Variants in TAFA2 observed in about 807,000 individuals in gnomAD.
TAFA2 encodes the protein chemokine-like protein TAFA-2.
TAFA2 carries 7 observed loss-of-function variants against 18.8 expected under a neutral mutation model. The ratio of observed to expected loss-of-function variants is 0.37; its 90% confidence interval spans 0.21 to 0.70. The LOEUF is 0.70. Ranked by LOEUF, TAFA2 falls within the 30% of genes least tolerant of loss-of-function variation. The pLI, the probability that TAFA2 is intolerant of heterozygous loss-of-function variation, is 0.53. For synonymous variants in TAFA2, 60 were observed against 54.2 expected (o/e 1.11, Z -0.47); for missense variants, 122 against 158.1 (o/e 0.77, Z 1.23).
chr12:62,005,283 T>A (rs142815261), intron 1 of TAFA2, among the ~76,000 whole-genome samples: 9 of 152,092 alleles, frequency 5.9e-5, no homozygotes, highest in African/African-American at 1.4e-4. Flanking sequence ...CAAAACATTA[T>A]GCAATATACC....
intron 1 of TAFA2, among the ~76,000 whole-genome samples, chr12:62,161,829 T>C: frequency 6.6e-6 from 1 of 152,232 alleles, no homozygotes; most frequent in East Asian, 1.9e-4. Context: ...CACACATGTA[T>C]TTCAATGTTT....
intron 4 of TAFA2, among the ~76,000 whole-genome samples, chr12:61,717,574 AG>A (rs1310861469): frequency 1.3e-5 from 2 of 152,212 alleles, no homozygotes; most frequent in African/African-American, 4.8e-5. Context: ...TTTCCACTAA[AG>A]GACCTTGAAC....
At chr12:62,105,428 T>C (rs1375949914) in intron 1 of TAFA2, among the ~76,000 whole-genome samples, 4 of 152,174 alleles carry the variant, frequency 2.6e-5, no homozygotes, top group Non-Finnish European at 5.9e-5. Flanking sequence ...TTTATAATGA[T>C]AACCAAAGGG....
intron 1 of TAFA2, among the ~76,000 whole-genome samples, chr12:62,026,801 C>T (rs189856236): frequency 2.0e-5 from 3 of 152,184 alleles, no homozygotes; most frequent in Admixed American, 2.0e-4. Flanking sequence ...CAAAAGAAAG[C>T]ATTTGGAATT....
At chr12:61,833,006 T>C (rs992385185) in intron 2 of TAFA2, among the ~76,000 whole-genome samples, 1 of 147,330 alleles carries the variant, frequency 6.8e-6, no homozygotes, top group South Asian at 2.1e-4. Flanking sequence ...AGACATTATA[T>C]AATATATAAA....
chr12:62,214,986 T>A (rs1344573482), intron 1 of TAFA2, among the ~76,000 whole-genome samples: 2 of 152,106 alleles, frequency 1.3e-5, no homozygotes, highest in Non-Finnish European at 2.9e-5. Context: ...TCTACTTACA[T>A]CCCTGCACCA....
intron 1 of TAFA2, among the ~76,000 whole-genome samples, chr12:61,929,399 A>G (rs1456301586): frequency 6.6e-6 from 1 of 152,186 alleles, no homozygotes; most frequent in African/African-American, 2.4e-5. Context: ...AAGACACATG[A>G]AAAAATGCTC....
At chr12:62,120,748 C>T (rs1051714098) in intron 1 of TAFA2, among the ~76,000 whole-genome samples, 1 of 152,106 alleles carries the variant, frequency 6.6e-6, no homozygotes, top group Non-Finnish European at 1.5e-5. Flanking sequence ...TCTCTTTATG[C>T]ACTCCTGCCT....
At chr12:61,994,594 A>G (rs968226189) in intron 1 of TAFA2, among the ~76,000 whole-genome samples, 1 of 152,066 alleles carries the variant, frequency 6.6e-6, no homozygotes, top group Admixed American at 6.6e-5. Flanking sequence ...TCTTCAGTCC[A>G]TTCTAATCAT....
At chr12:62,187,925 G>A (rs906869444) in intron 1 of TAFA2, among the ~76,000 whole-genome samples, 1 of 152,084 alleles carries the variant, frequency 6.6e-6, no homozygotes, top group Non-Finnish European at 1.5e-5. Context: ...GCTCAAAGTA[G>A]TTCAAAATAA....
chr12:61,873,265 C>CT lies in TAFA2; in HGVS notation c.-1-5840dup, dbSNP rs768239909. ...AAATGGAAACAAAGACTAGATTACT[C>CT]TTTTTTTTGAGGTTGCACAAGTTTT... On this transcript the variant is annotated intron_variant, in intron 1 of 4. Transcript: ENST00000416284. 4.9e-3 allele frequency among the ~76,000 whole-genome samples: 745 copies of CT among 150,652 alleles called. 2 individuals are homozygous for CT. Among genetic ancestry groups the CT allele is most frequent in the African/African-American group, 0.017 (686 of 41,002 alleles).
chr12:61,747,307 C>T (rs531691315), intron 4 of TAFA2, among the ~76,000 whole-genome samples: 15 of 144,008 alleles, frequency 1.0e-4, no homozygotes, highest in East Asian at 4.1e-4. Flanking sequence ...GTCAGTGTGG[C>T]GATTCCTCAG....
intron 1 of TAFA2, among the ~76,000 whole-genome samples, chr12:62,017,363 G>T (rs1258568193): frequency 6.6e-6 from 1 of 152,074 alleles, no homozygotes; most frequent in African/African-American, 2.4e-5. Flanking sequence ...TTCGTATTTT[G>T]TTATAAATAG....
chr12:61,764,810 T>G (rs1340531602), intron 2 of TAFA2, among the ~76,000 whole-genome samples: 1 of 152,132 alleles, frequency 6.6e-6, no homozygotes, highest in African/African-American at 2.4e-5. Flanking sequence ...TTATGAAATT[T>G]GTAGTTTAGA....
intron 1 of TAFA2, among the ~76,000 whole-genome samples, chr12:62,091,452 A>G (rs1565741500): frequency 6.6e-6 from 1 of 151,928 alleles, no homozygotes; most frequent in Non-Finnish European, 1.5e-5. Context: ...GGAACTCACT[A>G]TGTAACATAT....
chr12:61,794,779 A>G (rs1412714551), intron 2 of TAFA2, among the ~76,000 whole-genome samples: 1 of 152,146 alleles, frequency 6.6e-6, no homozygotes, highest in African/African-American at 2.4e-5. Flanking sequence ...AACCACCATC[A>G]GAGTGAACAG....
chr12:61,999,427 T>C (rs1880306797), intron 1 of TAFA2, among the ~76,000 whole-genome samples: 1 of 152,176 alleles, frequency 6.6e-6, no homozygotes, highest in African/African-American at 2.4e-5. Flanking sequence ...TTTTAAAGTC[T>C]TGCATAAGAT....
chr12:61,805,398 A>G (rs572374822), intron 2 of TAFA2, among the ~76,000 whole-genome samples: 1 of 152,210 alleles, frequency 6.6e-6, no homozygotes, highest in South Asian at 2.1e-4. Context: ...CCCAAATTTC[A>G]ATAAATATTA....
chr12:61,785,048 T>C (rs756952730), intron 2 of TAFA2, among the ~76,000 whole-genome samples: 10 of 151,570 alleles, frequency 6.6e-5, no homozygotes, highest in Non-Finnish European at 1.0e-4. Context: ...TGTAGAACAT[T>C]AGAATTTATT....
Sources: gnomAD v4.1 joint callset for allele counts (sites outside exome capture counted in the v4.1 genomes callset) on GRCh38, gnomAD v4.1.1 for gene constraint, MANE v1.5 for transcripts, NCBI Gene and HGNC (gene_info 2026-07-23, HGNC 2026-07-21) for gene names.